HIVEP3: variants seen among roughly 807,000 people sequenced by gnomAD.
HIVEP3 encodes the protein HIVEP zinc finger 3.
Under a neutral mutation model 152.8 loss-of-function variants are expected in HIVEP3, and 49 were observed. The observed-to-expected ratio is 0.32, with a 90% CI of 0.26 to 0.41. The LOEUF (loss-of-function observed/expected upper bound fraction) is 0.41. Ranked by LOEUF, HIVEP3 falls within the 10% of genes least tolerant of loss-of-function variation. The probability of loss-of-function intolerance (pLI) is 1.00; values close to 1 mark genes in which losing one functional copy is unlikely to be tolerated. For synonymous variants in HIVEP3, 1,269 were observed against 1,289.0 expected (o/e 0.98, Z 0.33); for missense variants, 2,790 against 3,103.3 (o/e 0.90, Z 2.40).
At chr1:41,528,873 ACTT>A (rs1219693752) in intron 5 of HIVEP3, among the ~76,000 whole-genome samples, 2 of 88,208 alleles carry the variant, frequency 2.3e-5, no homozygotes, top group African/African-American at 4.7e-5. Context: ...CACACTCCAC[ACTT>A]CCACCCTCAC....
rs553350936 is a variant in HIVEP3, at chr1:41,725,630, C to T, written c.-800-24635G>A. 5.9e-5 allele frequency among the ~76,000 whole-genome samples: 9 copies of T among 152,300 alleles called. No individual in the cohort carries two copies. In the East Asian group the frequency reaches 1.3e-3, roughly 23 times the overall value. ...GCAAACAGGTTCAGTGTCCAGCATC[C>T]GTATGGAAACTCCATAAGAGGCAAG... On this transcript the variant is annotated intron_variant, in intron 1 of 8. Coordinates refer to ENST00000372583, the MANE Select transcript of HIVEP3 (RefSeq NM_024503.5).
At chr1:41,545,572 CCACCACCACCAT>C (rs1272508055) in intron 5 of HIVEP3, among the ~76,000 whole-genome samples, 1 of 138,992 alleles carries the variant, frequency 7.2e-6, no homozygotes, top group Non-Finnish European at 1.6e-5. Flanking sequence ...ATCACCACCA[CCACCACCACCAT>C]CACCATCACC....
At chr1:42,020,166 T>A (rs1645545551) in intron 1 of HIVEP3, among the ~76,000 whole-genome samples, 1 of 152,126 alleles carries the variant, frequency 6.6e-6, no homozygotes, top group Non-Finnish European at 1.5e-5. Flanking sequence ...AATTTTCTTT[T>A]CTTGTAATGT....
chr1:41,932,652 C>CT lies in HIVEP3; in HGVS notation n.120-14129dup, dbSNP rs1474124698. On this transcript the variant is annotated intron_variant and non_coding_transcript_variant, in intron 1 of 3. Transcript: ENST00000489103. ...TGGTTTGATTGATATATCCAAATTG[C>CT]TTTTTTGTTTCAAATGTATTGATTT... Among the ~76,000 whole-genome samples, 4 of 151,792 alleles carry CT rather than the reference C, an allele frequency of 2.6e-5. No individual in the cohort carries two copies. In the East Asian group the frequency reaches 7.7e-4, roughly 29 times the overall value.
intron 1 of HIVEP3, among the ~76,000 whole-genome samples, chr1:41,758,420 C>A (rs1647457101): frequency 6.6e-6 from 1 of 152,214 alleles, no homozygotes; most frequent in African/African-American, 2.4e-5. Flanking sequence ...ACACATCTAT[C>A]CACCAGGGCC....
At chr1:41,643,506 G>C (rs1645409595) in intron 2 of HIVEP3, among the ~76,000 whole-genome samples, 1 of 152,222 alleles carries the variant, frequency 6.6e-6, no homozygotes, top group African/African-American at 2.4e-5. Flanking sequence ...CCACTGCCCT[G>C]CCTTCCAGTG....
At chr1:41,961,393 A>T (rs541495090) in intron 1 of HIVEP3, among the ~76,000 whole-genome samples, 1 of 152,380 alleles carries the variant, frequency 6.6e-6, no homozygotes, top group African/African-American at 2.4e-5. Flanking sequence ...TTGCCATAGC[A>T]ATAGTAACCA....
chr1:41,999,666 T>C (rs1026818144), intron 1 of HIVEP3, among the ~76,000 whole-genome samples: 1 of 152,258 alleles, frequency 6.6e-6, no homozygotes, highest in Admixed American at 6.5e-5. Flanking sequence ...TCAAAGATGA[T>C]TGCAGAAGAA....
chr1:41,906,866 T>C (rs1420708599), intron 1 of HIVEP3, among the ~76,000 whole-genome samples: 4 of 145,388 alleles, frequency 2.8e-5, no homozygotes, highest in African/African-American at 7.7e-5. Flanking sequence ...TCTCTCTCCC[T>C]CCTTTCTGTC....
chr1:41,742,350 A>G (rs1647009690), intron 1 of HIVEP3, among the ~76,000 whole-genome samples: 1 of 152,176 alleles, frequency 6.6e-6, no homozygotes. Context: ...TCCAAACAAA[A>G]AAGAGCTTCA....
chr1:41,531,672 G>A (rs563841438), intron 5 of HIVEP3, among the ~76,000 whole-genome samples: 1 of 101,686 alleles, frequency 9.8e-6, no homozygotes, highest in African/African-American at 3.9e-5. Context: ...CAGGGGAGAC[G>A]GAGGACATGA....
intron 5 of HIVEP3, among the ~76,000 whole-genome samples, chr1:41,540,301 T>C (rs1166128868): frequency 6.6e-6 from 1 of 152,214 alleles, no homozygotes; most frequent in Non-Finnish European, 1.5e-5. Context: ...GAAAAGGCTG[T>C]GAACAGTTTT....
chr1:41,616,877 G>C (rs1311496535), intron 3 of HIVEP3, among the ~76,000 whole-genome samples: 1 of 152,220 alleles, frequency 6.6e-6, no homozygotes, highest in African/African-American at 2.4e-5. Flanking sequence ...ACCAGGCACA[G>C]TTATAAGCAC....
intron 5 of HIVEP3, among the ~76,000 whole-genome samples, chr1:41,558,597 C>T (rs1350933818): frequency 6.6e-6 from 1 of 152,232 alleles, no homozygotes; most frequent in Non-Finnish European, 1.5e-5. Flanking sequence ...CTTGGGGGAA[C>T]ATGGCCCCTG....
chr1:41,614,096 G>A (rs570416151), intron 3 of HIVEP3, among the ~76,000 whole-genome samples: 2 of 152,360 alleles, frequency 1.3e-5, no homozygotes, highest in East Asian at 3.9e-4. Flanking sequence ...TCCGGCAGCA[G>A]ATGTCTGTGA....
intron 5 of HIVEP3, among the ~76,000 whole-genome samples, chr1:41,565,358 G>C (rs1644144008): frequency 6.6e-6 from 1 of 150,986 alleles, no homozygotes; most frequent in Non-Finnish European, 1.5e-5. Flanking sequence ...TCTGCCAAAA[G>C]AGATGAAAGG....
chr1:41,801,016 G>C lies in HIVEP3; in HGVS notation c.-800-100021C>G, dbSNP rs151327015. On this transcript the variant is annotated intron_variant, in intron 1 of 8. Coordinates refer to ENST00000372583, the MANE Select transcript of HIVEP3 (RefSeq NM_024503.5). Reference sequence around the variant, plus strand: ...AATTAATGCTATCTTTTACCCACAAGGAGCTACAATTACTAAGTGGAGTTA... The same window carrying C: ...AATTAATGCTATCTTTTACCCACAACGAGCTACAATTACTAAGTGGAGTTA... 4.0e-3 allele frequency among the ~76,000 whole-genome samples: 610 copies of C among 152,236 alleles called. 3 individuals carry two copies. Among genetic ancestry groups the C allele is most frequent in the African/African-American group, 0.014 (582 of 41,516 alleles).
In HIVEP3 at chr1:41,662,603, A is replaced by C; in HGVS notation, c.-720-33656T>G. Among the ~76,000 whole-genome samples the C allele has an allele frequency of 6.7e-6, 1 of 149,308 alleles. No individual in the cohort carries two copies. Among genetic ancestry groups the C allele is most frequent in the East Asian group, 2.1e-4 (1 of 4,872 alleles). ...GGGCGCGGCTGGCGGCTGCCAGGGG[A>C]GGGTCTCCTCGCCCGGGGAATCCCT... On this transcript the variant is annotated intron_variant, in intron 2 of 8. Coordinates refer to ENST00000372583, the MANE Select transcript of HIVEP3 (RefSeq NM_024503.5). The surrounding 1 kb of genome is among the most constrained non-coding windows in gnomAD (Gnocchi z 7.2).
At chr1:42,025,184 CCTCT>C (rs1402430491) in intron 1 of HIVEP3, among the ~76,000 whole-genome samples, 3 of 152,178 alleles carry the variant, frequency 2.0e-5, no homozygotes, top group African/African-American at 7.2e-5. Flanking sequence ...TGTCTTTTAG[CCTCT>C]CTGTCACATT....
Sources: gnomAD v4.1 joint callset for allele counts (sites outside exome capture counted in the v4.1 genomes callset) on GRCh38, gnomAD v4.1.1 for gene constraint, Gnocchi (gnomAD v3.1) non-coding constraint, MANE v1.5 for transcripts, NCBI Gene and HGNC (gene_info 2026-07-23, HGNC 2026-07-21) for gene names.